Variants in CAMK1D observed in about 807,000 individuals in gnomAD.
CAMK1D encodes the protein calcium/calmodulin dependent protein kinase ID.
A neutral mutation model predicts 47.7 loss-of-function variants in CAMK1D; 9 were observed. That is an observed-to-expected ratio of 0.19 (90% CI 0.11 to 0.33). CAMK1D has a LOEUF of 0.33. CAMK1D is among the 10% of genes least tolerant of loss of function. The pLI is 1.00. For synonymous variants in CAMK1D, 184 were observed against 184.9 expected (o/e 0.99, Z 0.04); for missense variants, 291 against 488.7 (o/e 0.60, Z 3.81).
At chr10:12,726,564 A>G (rs758236184) in intron 3 of CAMK1D, among the ~76,000 whole-genome samples, 17 of 152,268 alleles carry the variant, frequency 1.1e-4, no homozygotes, top group Non-Finnish European at 1.9e-4. Flanking sequence ...AAATAATTCT[A>G]CAGAAGCCAC....
chr10:12,526,955 A>G (rs1321784136), intron 1 of CAMK1D, among the ~76,000 whole-genome samples: 1 of 151,610 alleles, frequency 6.6e-6, no homozygotes, highest in Non-Finnish European at 1.5e-5. Context: ...GAAGGCCGAG[A>G]TGGGAGGATC....
chr10:12,734,627 G>C (rs1835097743), intron 3 of CAMK1D, among the ~76,000 whole-genome samples: 2 of 150,610 alleles, frequency 1.3e-5, no homozygotes, highest in Admixed American at 1.3e-4. Context: ...CTTTGACTCT[G>C]ATACTAGAAA....
At chr10:12,438,170 T>A (rs1394042737) in intron 1 of CAMK1D, among the ~76,000 whole-genome samples, 1 of 152,238 alleles carries the variant, frequency 6.6e-6, no homozygotes, top group African/African-American at 2.4e-5. Flanking sequence ...CACGTGCTCT[T>A]TTCTGCACAC....
In CAMK1D at chr10:12,697,728, G is replaced by A. The variant is rs150974216; in HGVS notation, c.299+30918G>A. On this transcript the variant is annotated intron_variant, in intron 3 of 10. Transcript: ENST00000619168. Reference sequence around the variant, plus strand: ...GCAAAGATGTTTTTTGAAAATCAAGGACAAGTGGAAGACCCTTGACACGGG... The same window carrying A: ...GCAAAGATGTTTTTTGAAAATCAAGAACAAGTGGAAGACCCTTGACACGGG... Among the ~76,000 whole-genome samples, 303 of 152,272 alleles carry A rather than the reference G, an allele frequency of 2.0e-3. 1 individual carries two copies. The highest frequency in any genetic ancestry group is 6.6e-3 in the African/African-American group (275 of 41,554).
intron 2 of CAMK1D, among the ~76,000 whole-genome samples, chr10:12,585,561 A>C (rs1236740868): frequency 6.6e-6 from 1 of 152,212 alleles, no homozygotes; most frequent in Admixed American, 6.5e-5. Flanking sequence ...GAGACCTCAC[A>C]ATCATGGGAG....
intron 1 of CAMK1D, among the ~76,000 whole-genome samples, chr10:12,514,795 T>C (rs1387413539): frequency 6.6e-6 from 1 of 152,264 alleles, no homozygotes; most frequent in African/African-American, 2.4e-5. Context: ...GGTACATGGC[T>C]AGTGCCGTGT....
chr10:12,658,225 C>T (rs1461487042), intron 2 of CAMK1D, among the ~76,000 whole-genome samples: 3 of 152,134 alleles, frequency 2.0e-5, no homozygotes, highest in Non-Finnish European at 4.4e-5. Flanking sequence ...AAAGGGTTCT[C>T]AGTGGAGGTG....
intron 1 of CAMK1D, among the ~76,000 whole-genome samples, chr10:12,430,216 G>A (rs975843068): frequency 4.6e-5 from 7 of 152,170 alleles, no homozygotes; most frequent in Admixed American, 1.3e-4. Context: ...ATGGGACCAA[G>A]CCCCTGTTGA....
chr10:12,720,391 C>T (rs1481480727), intron 3 of CAMK1D, among the ~76,000 whole-genome samples: 10 of 152,202 alleles, frequency 6.6e-5, no homozygotes, highest in Non-Finnish European at 1.3e-4. Flanking sequence ...TTTAGACAGT[C>T]CCATTAAAGA....
intron 3 of CAMK1D, among the ~76,000 whole-genome samples, chr10:12,731,647 A>T (rs888480478): frequency 2.0e-5 from 3 of 152,218 alleles, no homozygotes; most frequent in Admixed American, 2.0e-4. Context: ...AGCAGCAGTG[A>T]TCAGCTGTGG....
At chr10:12,651,338 T>A (rs1380893276) in intron 2 of CAMK1D, among the ~76,000 whole-genome samples, 1 of 152,204 alleles carries the variant, frequency 6.6e-6, no homozygotes, top group Admixed American at 6.5e-5. Flanking sequence ...TGCGCACATC[T>A]CCGCCTTTGG....
intron 3 of CAMK1D, among the ~76,000 whole-genome samples, chr10:12,694,704 A>G (rs1307791357): frequency 6.6e-6 from 1 of 150,458 alleles, no homozygotes; most frequent in Non-Finnish European, 1.5e-5. Context: ...GCCATAGAGG[A>G]TGACACGTTT....
At chr10:12,515,402 C>CTTTT (rs772694725) in intron 1 of CAMK1D, among the ~76,000 whole-genome samples, 1 of 102,028 alleles carries the variant, frequency 9.8e-6, no homozygotes, top group Non-Finnish European at 2.0e-5. Flanking sequence ...TTTTCCTTTT[C>CTTTT]TTTTTTTTTT....
Position 12,614,054 on chromosome 10 carries a change from A to T in CAMK1D, c.225-52682A>T, listed in dbSNP as rs79990955. Among the ~76,000 whole-genome samples, 1,105 of 152,238 alleles carry T rather than the reference A, an allele frequency of 7.3e-3. 12 individuals carry two copies. The highest frequency in any genetic ancestry group is 0.025 in the African/African-American group (1,050 of 41,536). ...CTTTTCTCCTTAATTATTATTTTTT[A>T]ACCCAAGACAGGTAGGATAGGGTGA... On this transcript the variant is annotated intron_variant, in intron 2 of 10. Transcript: ENST00000619168.
chr10:12,486,322 C>A (rs567605033), intron 1 of CAMK1D, among the ~76,000 whole-genome samples: 48 of 152,180 alleles, frequency 3.2e-4, no homozygotes, highest in African/African-American at 1.1e-3. Flanking sequence ...CCACACCTGG[C>A]TAATTTTTTG....
At chr10:12,414,077 G>C (rs1395438573) in intron 1 of CAMK1D, among the ~76,000 whole-genome samples, 1 of 152,166 alleles carries the variant, frequency 6.6e-6, no homozygotes, top group Non-Finnish European at 1.5e-5. Context: ...CCAGTTCCCT[G>C]ATAGTTGGGA....
At position 12,769,671 on chromosome 10, in the gene CAMK1D, A is replaced by G; in HGVS notation, c.439-2A>G. 6.2e-7 allele frequency: 1 copy of G among 1,613,844 alleles called. No homozygotes were observed. The highest frequency in any genetic ancestry group is 8.5e-7 in the Non-Finnish European group (1 of 1,179,854). On this transcript the variant is annotated splice_acceptor_variant, in intron 4 of 10. Coordinates refer to ENST00000619168, the MANE Select transcript of CAMK1D (RefSeq NM_153498.4). LOFTEE classifies it high-confidence loss of function. ...AATGTTTTTTTCTTATTTTCTTTCTAGCCCGAAAATCTCTTGTACTACAGT... is the reference window on the plus strand; with the variant it reads ...AATGTTTTTTTCTTATTTTCTTTCTGGCCCGAAAATCTCTTGTACTACAGT...
At position 12,543,094 on chromosome 10, in the gene CAMK1D, C is replaced by A. The variant is rs1157649548; in HGVS notation, c.93-10131C>A. On this transcript the variant is annotated intron_variant, in intron 1 of 10. Coordinates refer to ENST00000619168, the MANE Select transcript of CAMK1D (RefSeq NM_153498.4). ...ATGGAGTCTTGCTCTGTCACCCAGG[C>A]TGGAGTGCAGTGGCACGATCTTGGC... Among the ~76,000 whole-genome samples the A allele has an allele frequency of 3.3e-5, 5 of 152,288 alleles. No individual in the cohort carries two copies. In the Middle Eastern group the frequency reaches 0.01, roughly 311 times the overall value.
rs1833133423 is a variant in CAMK1D at position 12,824,677 on chromosome 10, A to T, written c.921+125A>T. 3 of 706,686 alleles carry T rather than the reference A, an allele frequency of 4.2e-6. No homozygotes were observed. In the East Asian group the frequency reaches 8.2e-5, roughly 19 times the overall value. 43.8% of individuals were successfully genotyped at this position (706,686 alleles called of 1,614,324 possible). On this transcript the variant is annotated intron_variant, in intron 9 of 10. Transcript: ENST00000619168. ...AATTTTGCTAATTTTAACTGCAAGT[A>T]ATAAAGACTCAGAGGGAATATTATG...
Sources: allele counts gnomAD v4.1 joint callset (sites outside exome capture counted in the v4.1 genomes callset), GRCh38; gene constraint gnomAD v4.1.1; transcripts MANE v1.5; gene names NCBI Gene and HGNC (gene_info 2026-07-23, HGNC 2026-07-21).